TIAL1: variants seen among roughly 807,000 people sequenced by gnomAD.
TIAL1 encodes nucleolysin TIAR.
In TIAL1, 7 loss-of-function variants were observed where a neutral mutation model predicts 59.7. That is an observed-to-expected ratio of 0.12 (90% CI 0.07 to 0.22). TIAL1 has a LOEUF of 0.22. Ranked by LOEUF, TIAL1 falls within the 10% of genes least tolerant of loss-of-function variation. The probability of loss-of-function intolerance (pLI) is 1.00; values close to 1 mark genes in which losing one functional copy is unlikely to be tolerated. For missense variants in TIAL1, 225 were observed against 462.5 expected (o/e 0.49, Z 4.71); for synonymous variants, 149 against 146.3 (o/e 1.02, Z -0.13).
chr10:119,596,615 C>T lies in TIAL1; in HGVS notation c.-150G>A. ...TGCTCTCGGGCTCTCTCCCCCCAGCCCGCTCCGGACACTGCGCTCCAACCA... is the reference window on the plus strand; with the variant it reads ...TGCTCTCGGGCTCTCTCCCCCCAGCTCGCTCCGGACACTGCGCTCCAACCA... On this transcript the variant is annotated 5_prime_UTR_variant, in exon 1 of 12. Coordinates refer to ENST00000436547, the MANE Select transcript of TIAL1 (RefSeq NM_003252.4). 1.6e-6 allele frequency: 1 copy of T among 636,620 alleles called. No individual in the cohort carries two copies. The allele number at this position is 636,620 out of a possible 1,614,324, so 39.4% of individuals were successfully genotyped here. A position where few individuals can be genotyped will look rare whatever the true frequency, so the allele number is the denominator to read the frequency against.
Position 119,582,961 on chromosome 10 carries a change from C to A in TIAL1, c.130-404G>T, listed in dbSNP as rs1232113001. 2.0e-5 allele frequency among the ~76,000 whole-genome samples: 3 copies of A among 152,102 alleles called. No individual in the cohort carries two copies. Among genetic ancestry groups the A allele is most frequent in the Non-Finnish European group, 2.9e-5 (2 of 67,958 alleles). On this transcript the variant is annotated intron_variant, in intron 2 of 11. Coordinates refer to ENST00000436547, the MANE Select transcript of TIAL1 (RefSeq NM_003252.4). The surrounding 1 kb of genome is among the most constrained non-coding windows in gnomAD (Gnocchi z 5.1). ...CGTTCTACTTATGCATCATAATCCT[C>A]TATAAGTGGTATCCCAGGATACAGA...
Position 119,575,585 on chromosome 10 carries a change from G to C in TIAL1, c.*80C>G, listed in dbSNP as rs1438197724. 6.6e-7 allele frequency: 1 copy of C among 1,526,584 alleles called. No individual in the cohort carries two copies. The highest frequency in any genetic ancestry group is 1.4e-5 in the African/African-American group (1 of 71,964). 94.6% of individuals were successfully genotyped at this position (1,526,584 alleles called of 1,614,324 possible). On this transcript the variant is annotated 3_prime_UTR_variant, in exon 12 of 12. Transcript: ENST00000436547. ...TTTAAAATAAATATTTTCATTTTCC[G>C]ATGTCTACTTTCATGTCTTCAGAGT...
At chr10:119,580,269 A>G in intron 5 of TIAL1, 1 of 404,894 alleles carries the variant, frequency 2.5e-6, no homozygotes, top group Non-Finnish European at 4.3e-6. Flanking sequence ...TTTGAAGATT[A>G]ATAGGAACAA....
At chr10:119,581,860 C>G (rs1845323751) in intron 5 of TIAL1, 62 bp downstream of exon 5, 1 of 1,188,762 alleles carries the variant, frequency 8.4e-7, no homozygotes, top group African/African-American at 1.5e-5. Context: ...AATTCAATTA[C>G]AAGTTAATCA....
At chr10:119,593,735 A>T (rs769902975) in intron 1 of TIAL1, among the ~76,000 whole-genome samples, 4 of 152,250 alleles carry the variant, frequency 2.6e-5, no homozygotes, top group Non-Finnish European at 4.4e-5. Context: ...TATCTAATAG[A>T]ACCCTTTGAG....
chr10:119,575,825 C>G, intron 11 of TIAL1, 34 bp from the exon 12 acceptor site: 1 of 1,468,986 alleles, frequency 6.8e-7, no homozygotes, highest in South Asian at 1.5e-5. Context: ...TCAGCAAACA[C>G]AAGAAAAAAA....
At chr10:119,577,037 G>A (rs1287310901) in intron 10 of TIAL1, 43 bp downstream of exon 10, 11 of 1,605,608 alleles carry the variant, frequency 6.9e-6, no homozygotes, top group Non-Finnish European at 9.4e-6. Context: ...TATGTGACAT[G>A]TAAGATGGAA....
chr10:119,590,000 G>A (rs1845769684), intron 1 of TIAL1, among the ~76,000 whole-genome samples: 1 of 152,084 alleles, frequency 6.6e-6, no homozygotes, highest in Admixed American at 6.5e-5. Flanking sequence ...TACACAACAT[G>A]CTTTAAGATG....
intron 1 of TIAL1, among the ~76,000 whole-genome samples, chr10:119,595,050 G>C (rs1391452286): frequency 1.3e-5 from 2 of 152,204 alleles, no homozygotes; most frequent in Non-Finnish European, 2.9e-5. Context: ...ATGTGCTTCA[G>C]TAGGCCTCAG....
intron 6 of TIAL1, 117 bp downstream of exon 6, chr10:119,579,818 A>G (rs1589865147): frequency 1.4e-6 from 1 of 707,040 alleles, no homozygotes. Context: ...ATAACATTAC[A>G]TAAAAGTTGT....
chr10:119,574,784 C>G lies in TIAL1; in HGVS notation c.*881G>C, dbSNP rs1266841439. 1 of 152,498 alleles carries G rather than the reference C, an allele frequency of 6.6e-6. No individual in the cohort carries two copies. Among genetic ancestry groups the G allele is most frequent in the Admixed American group, 6.6e-5 (1 of 15,252 alleles). The allele number at this position is 152,498 out of a possible 1,614,324, so 9.4% of individuals were successfully genotyped here. The stretch of plus-strand genomic sequence containing the variant: ...GATCAATCCACTGCATTCAATGCAG[C>G]GGAGTGTGTTAAGTGTTACTTCAAA... On this transcript the variant is annotated 3_prime_UTR_variant, in exon 12 of 12. Transcript: ENST00000436547.
chr10:119,596,229 C>G (rs1217817779), intron 1 of TIAL1, among the ~76,000 whole-genome samples: 1 of 152,126 alleles, frequency 6.6e-6, no homozygotes, highest in Non-Finnish European at 1.5e-5. Context: ...AGCCCCAGAC[C>G]CCAGGAAGTG....
intron 1 of TIAL1, among the ~76,000 whole-genome samples, chr10:119,594,439 C>G (rs928057294): frequency 3.9e-5 from 6 of 152,154 alleles, no homozygotes; most frequent in African/African-American, 1.4e-4. Context: ...AATGAGACCC[C>G]TGCCATGAGT....
chr10:119,595,374 A>T (rs185643431), intron 1 of TIAL1, among the ~76,000 whole-genome samples: 1 of 152,006 alleles, frequency 6.6e-6, no homozygotes, highest in East Asian at 1.9e-4. Flanking sequence ...GGAGTGCTAG[A>T]CCTGGAGAGG....
chr10:119,596,400 T>C (rs1846194566), intron 1 of TIAL1, 34 bp downstream of exon 1: 2 of 1,610,778 alleles, frequency 1.2e-6, no homozygotes, highest in African/African-American at 1.3e-5. Context: ...CCCGGGCCTC[T>C]TGGCGCCTGG....
chr10:119,575,467 T>C lies in TIAL1; in HGVS notation c.*198A>G, dbSNP rs1464642940. 1 of 515,800 alleles carries C rather than the reference T, an allele frequency of 1.9e-6. No homozygotes were observed. Among genetic ancestry groups the C allele is most frequent in the Non-Finnish European group, 3.3e-6 (1 of 305,400 alleles). 32.0% of individuals were successfully genotyped at this position (515,800 alleles called of 1,614,324 possible). On this transcript the variant is annotated 3_prime_UTR_variant, in exon 12 of 12. Transcript: ENST00000436547. ...TACATAAAGAAAAATCATGTTCATA[T>C]CCATCATGAACAAAAACTTAAAAAG...
At chr10:119,587,305 G>C (rs1845617452) in intron 2 of TIAL1, among the ~76,000 whole-genome samples, 1 of 151,978 alleles carries the variant, frequency 6.6e-6, no homozygotes, top group South Asian at 2.1e-4. Context: ...TACCAACCTG[G>C]ATCAAAGTTC....
In TIAL1 at chr10:119,596,752, G is replaced by T. The variant is rs971953764; in HGVS notation, c.-287C>A. The stretch of plus-strand genomic sequence containing the variant: ...CCAGGTCACCGCTCAGGCCAGCCGC[G>T]ACAGCCTGCAAGGGGGACGACCGAG... On this transcript the variant is annotated 5_prime_UTR_variant, in exon 1 of 12. Coordinates refer to ENST00000436547, the MANE Select transcript of TIAL1 (RefSeq NM_003252.4). 10 of 522,076 alleles carry T rather than the reference G, an allele frequency of 1.9e-5. No homozygotes were observed. The South Asian group carries it at 2.0e-4, about 10-fold the overall frequency. The allele number at this position is 522,076 out of a possible 1,614,324, so 32.3% of individuals were successfully genotyped here.
intron 5 of TIAL1, chr10:119,580,378 T>G (rs1030612504): frequency 1.3e-5 from 6 of 472,642 alleles, no homozygotes; most frequent in Admixed American, 5.5e-5. Context: ...ATGCAATCTC[T>G]AAATAGTTAA....
Sources: gnomAD v4.1 joint callset for allele counts (sites outside exome capture counted in the v4.1 genomes callset) on GRCh38, gnomAD v4.1.1 for gene constraint, Gnocchi (gnomAD v3.1) non-coding constraint, MANE v1.5 for transcripts, NCBI Gene and HGNC (gene_info 2026-07-23, HGNC 2026-07-21) for gene names.